The following BMP2K variants were observed in gnomAD, a reference collection of about 807,000 sequenced individuals.
BMP2K encodes BMP-2-inducible protein kinase.
Under a neutral mutation model 116.0 loss-of-function variants are expected in BMP2K, and 74 were observed. That is an observed-to-expected ratio of 0.64 (90% CI 0.53 to 0.77). The LOEUF (loss-of-function observed/expected upper bound fraction) is 0.77. Among genes scored for constraint, BMP2K ranks in the 30% least tolerant of loss-of-function variants. BMP2K has a pLI of 0.00. For missense variants in BMP2K, 1,365 were observed against 1,403.6 expected (o/e 0.97, Z 0.44); for synonymous variants, 486 against 502.5 (o/e 0.97, Z 0.44).
chr4:78,876,976 T>C (rs780190448), intron 13 of BMP2K, among the ~76,000 whole-genome samples: 1 of 152,168 alleles, frequency 6.6e-6, no homozygotes, highest in Non-Finnish European at 1.5e-5. Context: ...CTATAGACAA[T>C]TGTAACAGAA....
At chr4:78,803,978 C>T (rs149080188) in intron 1 of BMP2K, among the ~76,000 whole-genome samples, 2,162 of 152,280 alleles carry the variant, frequency 0.014, 24 homozygotes, top group Middle Eastern at 0.024. Flanking sequence ...ACATAATTAA[C>T]ATATCATAAA....
At chr4:78,894,479 C>T (rs1451673029) in intron 15 of BMP2K, among the ~76,000 whole-genome samples, 1 of 152,232 alleles carries the variant, frequency 6.6e-6, no homozygotes, top group East Asian at 1.9e-4. Flanking sequence ...CCAACCTCTA[C>T]TAGCTTCAGA....
intron 1 of BMP2K, among the ~76,000 whole-genome samples, chr4:78,821,811 T>C (rs1729630910): frequency 1.3e-5 from 2 of 152,202 alleles, no homozygotes; most frequent in African/African-American, 2.4e-5. Context: ...ATACGAAGGA[T>C]AGATACATTG....
rs1048327116 is a variant in BMP2K at position 78,888,361 on chromosome 4, G to A, written c.2062+1077G>A. Among the ~76,000 whole-genome samples, 4 of 152,128 alleles carry A rather than the reference G, an allele frequency of 2.6e-5. No individual in the cohort carries two copies. The East Asian group carries it at 7.7e-4, about 29-fold the overall frequency. ...TTCCCTTATACCCCCAATACCCTGG[G>A]TAATGGAATTATTACTGTCTAAAAT... is the stretch of plus-strand genomic sequence containing the variant. On this transcript the variant is annotated intron_variant, in intron 15 of 15. Coordinates refer to ENST00000502613, the MANE Select transcript of BMP2K (RefSeq NM_198892.2).
At chr4:78,848,636 A>AC (rs1353545608) in intron 6 of BMP2K, among the ~76,000 whole-genome samples, 2 of 151,628 alleles carry the variant, frequency 1.3e-5, no homozygotes, top group East Asian at 3.9e-4. Flanking sequence ...TTAACAAAAA[A>AC]GGAGGAGATC....
At position 78,845,047 on chromosome 4, in the gene BMP2K, A is replaced by G; in HGVS notation, c.666A>G (p.Lys222=). Residue 222 remains lysine (K), a splice_region_variant and synonymous_variant, in exon 5 of 16, where the codon AAA becomes AAG. Coordinates refer to ENST00000502613, the MANE Select transcript of BMP2K (RefSeq NM_198892.2). ...TTAATGTAGTAGAAGAAGAAATTAA[A>G]AAGTAAGTATTTGTCTTTATTGCAC... is the stretch of plus-strand genomic sequence containing the variant. ...DGVNVVEEEI[K]KYTTLSYRAP... The G allele has an allele frequency of 2.5e-6, 4 of 1,577,400 alleles. No individual in the cohort carries two copies. The highest frequency in any genetic ancestry group is 1.4e-5 in the African/African-American group (1 of 73,836).
intron 10 of BMP2K, among the ~76,000 whole-genome samples, chr4:78,868,364 C>T (rs559271443): frequency 6.6e-6 from 1 of 152,240 alleles, no homozygotes; most frequent in African/African-American, 2.4e-5. Context: ...CAGTTACCTC[C>T]CCCTGGGTCC....
chr4:78,872,941 T>C, intron 13 of BMP2K, 143 bp downstream of exon 13: 1 of 847,116 alleles, frequency 1.2e-6, no homozygotes, highest in East Asian at 2.7e-5. Context: ...AGTCCTGTCT[T>C]CTGGTCCCTT....
At chr4:78,818,808 T>C (rs935054445) in intron 1 of BMP2K, among the ~76,000 whole-genome samples, 3 of 149,992 alleles carry the variant, frequency 2.0e-5, no homozygotes, top group Admixed American at 6.6e-5. Context: ...TTTTTTTTTT[T>C]CTTCCTGAGA....
intron 15 of BMP2K, among the ~76,000 whole-genome samples, chr4:78,889,176 G>A: frequency 6.8e-6 from 1 of 146,194 alleles, no homozygotes; most frequent in Non-Finnish European, 1.5e-5. Context: ...AGCCGAGATC[G>A]TGCCAGTGCA....
At chr4:78,892,970 TTAAAA>T (rs1733520683) in intron 15 of BMP2K, among the ~76,000 whole-genome samples, 1 of 152,238 alleles carries the variant, frequency 6.6e-6, no homozygotes, top group Admixed American at 6.5e-5. Context: ...TGGTAATTTC[TTAAAA>T]TAAGACAATG....
At chr4:78,888,278 CATAATT>C (rs1478811090) in intron 15 of BMP2K, 1 of 152,210 alleles carries the variant, frequency 6.6e-6, no homozygotes, top group Non-Finnish European at 1.5e-5. Context: ...TCATAAATGA[CATAATT>C]AACTGGGGAA....
chr4:78,776,573 G>C lies in BMP2K; in HGVS notation c.30G>C (p.Ser10=), dbSNP rs1727247871. Residue 10 remains serine (S), a synonymous_variant, in exon 1 of 16, where the codon TCG becomes TCC. Transcript: ENST00000502613. MKKFSRMPK[S]EGGSGGGAAG... is the part of the protein sequence containing the mutation. ...AGAAGTTCTCTCGGATGCCCAAGTC[G>C]GAGGGCGGCAGCGGCGGCGGAGCGG... 3 of 1,157,784 alleles carry C rather than the reference G, an allele frequency of 2.6e-6. No homozygotes were observed. The highest frequency in any genetic ancestry group is 3.2e-6 in the Non-Finnish European group (3 of 936,012). The allele number at this position is 1,157,784 out of a possible 1,614,324, so 71.7% of individuals were successfully genotyped here.
chr4:78,869,556 G>A (rs1469172465), intron 10 of BMP2K, among the ~76,000 whole-genome samples: 1 of 152,122 alleles, frequency 6.6e-6, no homozygotes, highest in African/African-American at 2.4e-5. Flanking sequence ...GACAATGCTT[G>A]CAGTGACCGT....
chr4:78,896,347 T>TA (rs1553921197), intron 15 of BMP2K, among the ~76,000 whole-genome samples: 1 of 152,210 alleles, frequency 6.6e-6, no homozygotes, highest in Non-Finnish European at 1.5e-5. Context: ...TAATTGTACT[T>TA]ATATTTAAAA....
chr4:78,798,294 A>G (rs185126858), intron 1 of BMP2K, among the ~76,000 whole-genome samples: 5 of 152,332 alleles, frequency 3.3e-5, no homozygotes, highest in South Asian at 2.1e-4. Flanking sequence ...AAGAAATTAT[A>G]TAAGATTTTG....
At chr4:78,793,924 A>G (rs977061048) in intron 1 of BMP2K, among the ~76,000 whole-genome samples, 2 of 152,108 alleles carry the variant, frequency 1.3e-5, no homozygotes, top group African/African-American at 4.8e-5. Context: ...TATGTGGCTC[A>G]CATTATATTG....
intron 7 of BMP2K, among the ~76,000 whole-genome samples, chr4:78,851,986 A>T (rs1292239790): frequency 6.6e-6 from 1 of 152,142 alleles, no homozygotes; most frequent in African/African-American, 2.4e-5. Context: ...TAAGTTTTAT[A>T]ATTTATGAAG....
At chr4:78,798,046 G>A (rs572209162) in intron 1 of BMP2K, among the ~76,000 whole-genome samples, 2 of 152,192 alleles carry the variant, frequency 1.3e-5, no homozygotes, top group East Asian at 3.9e-4. Flanking sequence ...CAAACTCCTG[G>A]CTTCAAGCAG....
Sources: gnomAD v4.1 joint callset for allele counts (sites outside exome capture counted in the v4.1 genomes callset) on GRCh38, gnomAD v4.1.1 for gene constraint, MANE v1.5 for transcripts, NCBI Gene and HGNC (gene_info 2026-07-23, HGNC 2026-07-21) for gene names.